The following NDUFA10 variants were observed in gnomAD, a reference collection of about 807,000 sequenced individuals.
The protein encoded by NDUFA10 is NADH dehydrogenase [ubiquinone] 1 alpha subcomplex subunit 10, mitochondrial.
Under a neutral mutation model 47.8 loss-of-function variants are expected in NDUFA10, and 40 were observed. The ratio of observed to expected loss-of-function variants is 0.84; its 90% CI spans 0.65 to 1.09. NDUFA10 has a LOEUF of 1.09. NDUFA10 is among the 50% of genes least tolerant of loss of function. The pLI is 0.00. For synonymous variants in NDUFA10, 183 were observed against 172.2 expected, an observed-to-expected ratio of 1.06 and a Z score of -0.49; for missense variants, 413 against 451.1, an observed-to-expected ratio of 0.92 and a Z score of 0.76.
Position 239,921,170 on chromosome 2 carries a change from T to C in NDUFA10, c.295-25856A>G, listed in dbSNP as rs1290723834. Among the ~76,000 whole-genome samples, 3 of 152,102 alleles carry C rather than the reference T, an allele frequency of 2.0e-5. No individual in the cohort carries two copies. The East Asian group carries it at 5.8e-4, about 29-fold the overall frequency. ...GTCACAACCTGCAGGAACCGGGGCA[T>C]GAGCCGTGTAGGTAGGCGAGTGAGC... On this transcript the variant is annotated intron_variant, in intron 4 of 5. Coordinates refer to the NDUFA10 transcript ENST00000419408.
intron 9 of NDUFA10, among the ~76,000 whole-genome samples, chr2:239,968,774 T>C (rs1695193850): frequency 6.6e-6 from 1 of 152,042 alleles, no homozygotes; most frequent in Non-Finnish European, 1.5e-5. Flanking sequence ...GAAAGAACAG[T>C]TTCCAGGGAG....
At chr2:239,909,842 G>T (rs1052264308) in intron 4 of NDUFA10, among the ~76,000 whole-genome samples, 8 of 151,740 alleles carry the variant, frequency 5.3e-5, no homozygotes, top group African/African-American at 1.9e-4. Flanking sequence ...GAAAAATTCT[G>T]CAATCTACCC....
rs577217284 is a variant in NDUFA10 at position 239,928,524 on chromosome 2, C to T, written c.295-33210G>A. ...TCCTCGGCCCTGGCCCACCGCGAGCCGCTGCTGGGTTTAATGCAGTTCCTG... is the reference window on the plus strand; with the variant it reads ...TCCTCGGCCCTGGCCCACCGCGAGCTGCTGCTGGGTTTAATGCAGTTCCTG... On this transcript the variant is annotated intron_variant, in intron 4 of 5. Transcript: ENST00000419408. This position sits in a 1 kb window ranked among gnomAD's most constrained non-coding sequence, Gnocchi z 4.3. Among the ~76,000 whole-genome samples, 5 of 152,286 alleles carry T rather than the reference C, an allele frequency of 3.3e-5. No individual in the cohort carries two copies. In the South Asian group the frequency reaches 6.2e-4, roughly 19 times the overall value.
chr2:239,991,315 C>T (rs866324379), intron 8 of NDUFA10, among the ~76,000 whole-genome samples: 2 of 152,198 alleles, frequency 1.3e-5, no homozygotes, highest in Admixed American at 6.5e-5. Flanking sequence ...GTTAGTGATC[C>T]AATAATGCAA....
chr2:239,990,745 T>C (rs1696211809), intron 8 of NDUFA10, among the ~76,000 whole-genome samples: 1 of 152,202 alleles, frequency 6.6e-6, no homozygotes, highest in Non-Finnish European at 1.5e-5. Flanking sequence ...TTGGCACCAA[T>C]AAATATACAA....
intron 4 of NDUFA10, among the ~76,000 whole-genome samples, chr2:239,942,454 T>C (rs1158426494): frequency 6.6e-6 from 1 of 152,256 alleles, no homozygotes; most frequent in African/African-American, 2.4e-5. Context: ...CTATGTCGTT[T>C]GTTGCTGTTT....
At chr2:239,909,001 C>G (rs924879202) in intron 4 of NDUFA10, among the ~76,000 whole-genome samples, 3 of 152,194 alleles carry the variant, frequency 2.0e-5, no homozygotes, top group African/African-American at 4.8e-5. Flanking sequence ...GGCTCCCAAG[C>G]TCTCCACTGG....
At chr2:239,898,716 G>A (rs1693448288) in intron 4 of NDUFA10, among the ~76,000 whole-genome samples, 1 of 152,274 alleles carries the variant, frequency 6.6e-6, no homozygotes, top group African/African-American at 2.4e-5. Context: ...AGAAGAGCAA[G>A]ATGCAGGTGT....
At position 239,959,343 on chromosome 2, in the gene NDUFA10, C is replaced by G; in HGVS notation, c.*1775G>C. 1.0e-6 allele frequency: 1 copy of G among 985,466 alleles called. No individual in the cohort carries two copies. Among genetic ancestry groups the G allele is most frequent in the South Asian group, 4.7e-5 (1 of 21,286 alleles). The allele number at this position is 985,466 out of a possible 1,614,324, so 61.0% of individuals were successfully genotyped here. ...CTGCTGAGGACACTACCCGTGCAAC[C>G]ACCAAGGTTGAAGGAAACAGCTAGC... On this transcript the variant is annotated 3_prime_UTR_variant, in exon 10 of 10. Transcript: ENST00000252711.
intron 4 of NDUFA10, among the ~76,000 whole-genome samples, chr2:239,898,441 TCAGCCCCCGGC>T (rs150376253): frequency 0.027 from 4,146 of 152,306 alleles, 186 homozygotes; most frequent in East Asian, 0.19. Context: ...GCTCTTTTTG[TCAGCCCCCGGC>T]CCACAAGTGA....
chr2:240,001,335 A>G (rs1287216000), intron 8 of NDUFA10, among the ~76,000 whole-genome samples: 3 of 152,264 alleles, frequency 2.0e-5, no homozygotes, highest in Admixed American at 6.5e-5. Context: ...TCATGCATCT[A>G]CAATCAGAGT....
Position 239,959,592 on chromosome 2 carries a change from G to T in NDUFA10, c.*1526C>A. ...CTCGACTCCAATTCAAAACTCCTGGGAAACTTTATTTTCAAATTCTTAAAA... is the reference window on the plus strand; with the variant it reads ...CTCGACTCCAATTCAAAACTCCTGGTAAACTTTATTTTCAAATTCTTAAAA... On this transcript the variant is annotated 3_prime_UTR_variant, in exon 10 of 10. Transcript: ENST00000252711. 1 of 985,730 alleles carries T rather than the reference G, an allele frequency of 1.0e-6. No individual in the cohort carries two copies. The highest frequency in any genetic ancestry group is 1.2e-6 in the Non-Finnish European group (1 of 830,012). 61.1% of individuals were successfully genotyped at this position (985,730 alleles called of 1,614,324 possible).
At chr2:239,913,233 C>T (rs753861481) in intron 4 of NDUFA10, among the ~76,000 whole-genome samples, 3 of 152,238 alleles carry the variant, frequency 2.0e-5, no homozygotes, top group African/African-American at 7.2e-5. Flanking sequence ...GACTGCCCTC[C>T]GTGGGGAGTG....
At chr2:239,997,833 T>C (rs1484680118) in intron 8 of NDUFA10, among the ~76,000 whole-genome samples, 2 of 152,224 alleles carry the variant, frequency 1.3e-5, no homozygotes, top group Non-Finnish European at 2.9e-5. Flanking sequence ...CTTCCAATCC[T>C]TTAAAAACGT....
Position 239,959,289 on chromosome 2 carries a change from C to A in NDUFA10, c.*1829G>T, listed in dbSNP as rs1408765630. ...GAGCTCTGCCCCTCACAAGGGCAAT[C>A]CTGACCACAGGGCAGACCTGCCCTC... is the stretch of plus-strand genomic sequence containing the variant. On this transcript the variant is annotated 3_prime_UTR_variant, in exon 10 of 10. Coordinates refer to ENST00000252711, the MANE Select transcript of NDUFA10 (RefSeq NM_004544.4). The A allele has an allele frequency of 1.0e-6, 1 of 985,380 alleles. No individual in the cohort carries two copies. The highest frequency in any genetic ancestry group is 1.2e-6 in the Non-Finnish European group (1 of 829,964). The allele number at this position is 985,380 out of a possible 1,614,324, so 61.0% of individuals were successfully genotyped here.
intron 9 of NDUFA10, among the ~76,000 whole-genome samples, chr2:239,962,699 C>A (rs960516112): frequency 1.3e-5 from 2 of 152,152 alleles, no homozygotes; most frequent in African/African-American, 4.8e-5. Flanking sequence ...GTTCTGCAGG[C>A]TGTGTGGGAA....
rs1574893221 is a variant in NDUFA10, at chr2:240,016,041, T to A, written c.548-1181A>T. Reference sequence around the variant, plus strand: ...TCTCCTAACCTAGTCTCAAAATAAATAAATAAAAATTTTAAAAATTAAATT... The same window carrying A: ...TCTCCTAACCTAGTCTCAAAATAAAAAAATAAAAATTTTAAAAATTAAATT... On this transcript the variant is annotated intron_variant, in intron 4 of 9. Coordinates refer to ENST00000252711, the MANE Select transcript of NDUFA10 (RefSeq NM_004544.4). The surrounding 1 kb of genome is among the most constrained non-coding windows in gnomAD (Gnocchi z 4.4). Among the ~76,000 whole-genome samples, 1 of 151,566 alleles carries A rather than the reference T, an allele frequency of 6.6e-6. No homozygotes were observed. Among genetic ancestry groups the A allele is most frequent in the South Asian group, 2.1e-4 (1 of 4,810 alleles).
At chr2:239,954,948 C>T (rs76195510), downstream of NDUFA10, among the ~76,000 whole-genome samples, 13,374 of 152,184 alleles carry the variant, frequency 0.088, 696 homozygotes, top group Middle Eastern at 0.14. Context: ...TGGTTCCTTT[C>T]GCCTGCTGTT....
intron 1 of NDUFA10, among the ~76,000 whole-genome samples, chr2:240,022,585 G>T (rs1489729227): frequency 1.3e-5 from 2 of 149,992 alleles, no homozygotes; most frequent in Non-Finnish European, 3.0e-5. Context: ...CTGGAACAAT[G>T]CCTGAAATTT....
Sources: allele counts gnomAD v4.1 joint callset (sites outside exome capture counted in the v4.1 genomes callset), GRCh38; gene constraint gnomAD v4.1.1; non-coding constraint Gnocchi (gnomAD v3.1); transcripts MANE v1.5; gene names NCBI Gene and HGNC (gene_info 2026-07-23, HGNC 2026-07-21).